Variants in GRB10 observed in about 807,000 individuals in gnomAD.
GRB10 encodes growth factor receptor-bound protein 10.
Under a neutral mutation model 80.9 loss-of-function variants are expected in GRB10, and 20 were observed. The observed-to-expected ratio is 0.25, with a 90% CI of 0.17 to 0.36. The LOEUF is 0.36. GRB10 is among the 10% of genes least tolerant of loss of function. The pLI, the probability that GRB10 is intolerant of heterozygous loss-of-function variation, is 1.00. For synonymous variants in GRB10, 291 were observed against 291.5 expected, an observed-to-expected ratio of 1.00 and a Z score of 0.02; for missense variants, 548 against 747.7, an observed-to-expected ratio of 0.73 and a Z score of 3.12.
intron 2 of GRB10, among the ~76,000 whole-genome samples, chr7:50,770,316 C>T (rs1319350101): frequency 2.0e-5 from 3 of 152,218 alleles, no homozygotes; most frequent in Non-Finnish European, 4.4e-5. Context: ...GACCAAGTAT[C>T]CTCAAGATCT....
chr7:50,621,639 G>A (rs1298721665), intron 8 of GRB10, among the ~76,000 whole-genome samples: 1 of 152,102 alleles, frequency 6.6e-6, no homozygotes, highest in African/African-American at 2.4e-5. Context: ...TTTTCTCCAT[G>A]ATTTAAAGAT....
At chr7:50,613,356 C>T (rs1223209322) in intron 12 of GRB10, among the ~76,000 whole-genome samples, 1 of 151,916 alleles carries the variant, frequency 6.6e-6, no homozygotes, top group Non-Finnish European at 1.5e-5. Flanking sequence ...CAAGATCAGA[C>T]CCCAAGTAGA....
At chr7:50,776,600 G>A (rs546304318) in intron 2 of GRB10, among the ~76,000 whole-genome samples, 2 of 152,238 alleles carry the variant, frequency 1.3e-5, no homozygotes, top group African/African-American at 4.8e-5. Flanking sequence ...GAGAAGTCAT[G>A]CAGCATACTG....
chr7:50,692,144 T>A (rs1380302708), intron 5 of GRB10, among the ~76,000 whole-genome samples: 1 of 152,198 alleles, frequency 6.6e-6, no homozygotes, highest in Non-Finnish European at 1.5e-5. Context: ...TTAAGTATTA[T>A]AAGTAATCTA....
In GRB10 at chr7:50,782,082, C is replaced by T. The variant is rs2078342396; in HGVS notation, c.-327+342G>A. On this transcript the variant is annotated intron_variant, in intron 1 of 18. Coordinates refer to ENST00000401949, the MANE Select transcript of GRB10 (RefSeq NM_001350814.2). The surrounding 1 kb of genome is among the most constrained non-coding windows in gnomAD (Gnocchi z 6.6). ...GGTTCCCACACCCGCTGCCCACCAC[C>T]TGGCGAGGAAGGAGCGGGCGAGGTT... Among the ~76,000 whole-genome samples the T allele has an allele frequency of 6.6e-6, 1 of 152,256 alleles. No individual in the cohort carries two copies. Among genetic ancestry groups the T allele is most frequent in the Non-Finnish European group, 1.5e-5 (1 of 68,044 alleles).
At chr7:50,784,623 G>A (rs1185932188), upstream of GRB10, among the ~76,000 whole-genome samples, 8 of 152,234 alleles carry the variant, frequency 5.3e-5, no homozygotes, top group Non-Finnish European at 1.2e-4. Context: ...AGAGAGAAAT[G>A]ATCTAATGAT....
chr7:50,618,404 T>C (rs1231162480), intron 9 of GRB10, among the ~76,000 whole-genome samples: 2 of 152,204 alleles, frequency 1.3e-5, no homozygotes, highest in Non-Finnish European at 2.9e-5. Context: ...GCATGCTCCA[T>C]GGCAAAGAGC....
intron 4 of GRB10, among the ~76,000 whole-genome samples, chr7:50,715,041 A>T (rs2066628351): frequency 7.2e-6 from 1 of 138,646 alleles, no homozygotes; most frequent in Non-Finnish European, 1.5e-5. Context: ...CCAGGGTTTG[A>T]TATGATGAAT....
Position 50,606,429 on chromosome 7 carries a change from C to A in GRB10, c.1195-15G>T, listed in dbSNP as rs2048536548. Reference sequence around the variant, plus strand: ...AGCATTCCATACTGGAGAGGAGAAGCCACAGTTAGTCACCGGCCCGGGAGC... The same window carrying A: ...AGCATTCCATACTGGAGAGGAGAAGACACAGTTAGTCACCGGCCCGGGAGC... On this transcript the variant is annotated splice_polypyrimidine_tract_variant and intron_variant, in intron 13 of 18. Transcript: ENST00000401949. 1.9e-6 allele frequency: 3 copies of A among 1,607,488 alleles called. No homozygotes were observed. The South Asian group carries it at 3.3e-5, about 18-fold the overall frequency.
At chr7:50,603,893 A>C in intron 17 of GRB10, 105 bp downstream of exon 17, 1 of 994,904 alleles carries the variant, frequency 1.0e-6, no homozygotes, top group Non-Finnish European at 1.6e-6. Flanking sequence ...ATGAGGACAA[A>C]ACTGCTGCCT....
At chr7:50,645,429 T>C (rs10464788) in intron 7 of GRB10, 88,066 of 186,162 alleles carry the variant, frequency 0.47, 20,987 homozygotes, top group Middle Eastern at 0.56. Flanking sequence ...TTCAGCCATC[T>C]GGGGAGTATG....
chr7:50,668,148 A>G (rs899756140), intron 7 of GRB10, among the ~76,000 whole-genome samples: 12 of 152,132 alleles, frequency 7.9e-5, no homozygotes, highest in Non-Finnish European at 1.5e-5. Flanking sequence ...TAGTGCCATA[A>G]TGCAGCCTGC....
chr7:50,729,590 AC>A (rs2069272305), intron 4 of GRB10, among the ~76,000 whole-genome samples: 1 of 152,000 alleles, frequency 6.6e-6, no homozygotes, highest in South Asian at 2.1e-4. Flanking sequence ...ACCCCATCCC[AC>A]TTCCCAGGCA....
chr7:50,639,622 G>A (rs1009335129), intron 7 of GRB10, among the ~76,000 whole-genome samples: 3 of 151,662 alleles, frequency 2.0e-5, no homozygotes, highest in African/African-American at 4.8e-5. Flanking sequence ...GCAGTGAGCC[G>A]AGATTGCGCC....
At chr7:50,666,996 C>A (rs564808946) in intron 7 of GRB10, among the ~76,000 whole-genome samples, 1 of 145,856 alleles carries the variant, frequency 6.9e-6, no homozygotes, top group Non-Finnish European at 1.5e-5. Flanking sequence ...GCCGAGATTG[C>A]GCCACTGCAC....
Position 50,626,946 on chromosome 7 carries a change from G to T in GRB10, c.537C>A (p.Ser179Arg). 6.2e-7 allele frequency: 1 copy of T among 1,614,152 alleles called. No homozygotes were observed. The highest frequency in any genetic ancestry group is 2.2e-5 in the East Asian group (1 of 44,882). Residue 179 changes from serine (S) to arginine (R), a missense_variant, in exon 8 of 19, where the codon AGC (serine) becomes AGA (arginine). Transcript: ENST00000401949. ...TGTCTGCTAGAATCTCCACCACTTT[G>T]CTTGTCCCATCTTCACTAAAGACTT... ...DVKVFSEDGTSKVVEILADMT... is the reference protein window; with the variant it reads ...DVKVFSEDGTRKVVEILADMT...
At chr7:50,628,350 T>A (rs1426338383) in intron 7 of GRB10, among the ~76,000 whole-genome samples, 1 of 152,124 alleles carries the variant, frequency 6.6e-6, no homozygotes, top group Non-Finnish European at 1.5e-5. Flanking sequence ...TTTCTTGTGT[T>A]TGGAAGGGGG....
intron 4 of GRB10, among the ~76,000 whole-genome samples, chr7:50,713,148 T>G (rs1417286648): frequency 6.6e-6 from 1 of 152,156 alleles, no homozygotes; most frequent in African/African-American, 2.4e-5. Flanking sequence ...GGGAAGACAT[T>G]AAACCACCCT....
At chr7:50,653,968 TGA>T (rs1178703544) in intron 7 of GRB10, among the ~76,000 whole-genome samples, 1 of 152,186 alleles carries the variant, frequency 6.6e-6, no homozygotes, top group Non-Finnish European at 1.5e-5. Flanking sequence ...CTTGAGACCA[TGA>T]GGTCTTTATT....
Sources: gnomAD v4.1 joint callset for allele counts (sites outside exome capture counted in the v4.1 genomes callset) on GRCh38, gnomAD v4.1.1 for gene constraint, Gnocchi (gnomAD v3.1) non-coding constraint, MANE v1.5 for transcripts, NCBI Gene and HGNC (gene_info 2026-07-23, HGNC 2026-07-21) for gene names.